Variants in CCDC25 observed in about 807,000 individuals in gnomAD.
CCDC25 encodes the protein coiled-coil domain containing 25.
Under a neutral mutation model 35.3 loss-of-function variants are expected in CCDC25, and 16 were observed. The ratio of observed to expected loss-of-function variants is 0.45; its 90% confidence interval spans 0.31 to 0.69. The LOEUF is 0.69. Ranked by LOEUF, CCDC25 falls within the 30% of genes least tolerant of loss-of-function variation. The pLI is 0.06. For synonymous variants in CCDC25, 79 were observed against 80.3 expected (o/e 0.98, Z 0.09); for missense variants, 179 against 250.7 (o/e 0.71, Z 1.93).
At chr8:27,745,146 C>G (rs1803562981) in intron 7 of CCDC25, among the ~76,000 whole-genome samples, 1 of 152,056 alleles carries the variant, frequency 6.6e-6, no homozygotes, top group Admixed American at 6.6e-5. Context: ...TAGGCTTGTA[C>G]CACCCACGCC....
chr8:27,764,398 A>G (rs1359263629), intron 2 of CCDC25: 2 of 305,570 alleles, frequency 6.5e-6, no homozygotes, highest in Admixed American at 4.3e-5. Flanking sequence ...CCTCCAGAGT[A>G]GCAAGGACAA....
intron 2 of CCDC25, chr8:27,764,587 T>A (rs1023301095): frequency 1.3e-5 from 3 of 228,030 alleles, no homozygotes; most frequent in Non-Finnish European, 2.7e-5. Flanking sequence ...CCTCTTACGT[T>A]TTTTTCTACA....
intron 5 of CCDC25, 108 bp from the exon 6 acceptor site, chr8:27,748,706 G>A (rs772227286): frequency 3.3e-4 from 254 of 773,700 alleles, no homozygotes; most frequent in Non-Finnish European, 4.2e-4. Flanking sequence ...GGCTTAGAAC[G>A]AACAGGCCAC....
At chr8:27,757,236 T>C (rs1446012727) in intron 3 of CCDC25, among the ~76,000 whole-genome samples, 2 of 152,132 alleles carry the variant, frequency 1.3e-5, no homozygotes, top group African/African-American at 4.8e-5. Context: ...GAACCACAGT[T>C]TGGCGGAAAC....
Position 27,735,244 on chromosome 8 carries a change from A to C in CCDC25, c.*972T>G, listed in dbSNP as rs1803180084. The C allele has an allele frequency of 6.6e-6, 1 of 152,646 alleles. No individual in the cohort carries two copies. Among genetic ancestry groups the C allele is most frequent in the Non-Finnish European group, 1.5e-5 (1 of 68,046 alleles). The allele number at this position is 152,646 out of a possible 1,614,324, so 9.5% of individuals were successfully genotyped here. ...CATACACCAACATGGAATAAATGGA[A>C]ACACTAGCCTTTTGGTTTTGCCCAC... On this transcript the variant is annotated 3_prime_UTR_variant, in exon 9 of 9. Transcript: ENST00000356537.
chr8:27,755,210 G>C (rs74589776), intron 4 of CCDC25, among the ~76,000 whole-genome samples: 3,172 of 152,230 alleles, frequency 0.021, 133 homozygotes, highest in African/African-American at 0.072. Context: ...GCTGGGACAG[G>C]GAAAATACAA....
At chr8:27,755,489 T>C (rs770627877) in intron 4 of CCDC25, among the ~76,000 whole-genome samples, 6 of 152,186 alleles carry the variant, frequency 3.9e-5, no homozygotes, top group Non-Finnish European at 8.8e-5. Flanking sequence ...TTCCAAATAA[T>C]GTATATAGAC....
At chr8:27,769,695 AACT>A (rs1220204847) in intron 1 of CCDC25, among the ~76,000 whole-genome samples, 2 of 152,218 alleles carry the variant, frequency 1.3e-5, no homozygotes, top group Non-Finnish European at 2.9e-5. Flanking sequence ...TGGAAGGCTA[AACT>A]ACTGAGAAAA....
chr8:27,762,958 C>T (rs1471133313), intron 2 of CCDC25, among the ~76,000 whole-genome samples: 1 of 151,920 alleles, frequency 6.6e-6, no homozygotes, highest in Non-Finnish European at 1.5e-5. Context: ...AAATAAAACA[C>T]CAGAAGAAAT....
At chr8:27,752,474 T>C (rs902995616) in intron 5 of CCDC25, 38 bp downstream of exon 5, 2 of 1,482,416 alleles carry the variant, frequency 1.3e-6, no homozygotes, top group African/African-American at 1.4e-5. Flanking sequence ...ACAGAGAAAG[T>C]CCGTGCTAAT....
At chr8:27,770,847 T>A (rs1209832280) in intron 1 of CCDC25, among the ~76,000 whole-genome samples, 1 of 152,114 alleles carries the variant, frequency 6.6e-6, no homozygotes, top group Non-Finnish European at 1.5e-5. Context: ...TGGCATTCAT[T>A]TATTCAACAA....
At chr8:27,759,394 G>C (rs1804132848) in intron 3 of CCDC25, among the ~76,000 whole-genome samples, 1 of 152,088 alleles carries the variant, frequency 6.6e-6, no homozygotes, top group South Asian at 2.1e-4. Flanking sequence ...ATCACTTCAG[G>C]TCAGGGGTTG....
rs113421100 is a variant in CCDC25, at chr8:27,755,683, G to T, written c.168+1036C>A. 9.3e-3 allele frequency among the ~76,000 whole-genome samples: 1,422 copies of T among 152,272 alleles called. 17 individuals carry two copies. Among genetic ancestry groups the T allele is most frequent in the African/African-American group, 0.032 (1,314 of 41,548 alleles). ...GCTCACGTCATCAATGATAAGTCACGGTAATACACGCACCCGATATGCTGT... is the reference window on the plus strand; with the variant it reads ...GCTCACGTCATCAATGATAAGTCACTGTAATACACGCACCCGATATGCTGT... On this transcript the variant is annotated intron_variant, in intron 4 of 8. Coordinates refer to ENST00000356537, the MANE Select transcript of CCDC25 (RefSeq NM_018246.3).
chr8:27,767,387 T>C (rs533292991), intron 1 of CCDC25, among the ~76,000 whole-genome samples: 6 of 152,102 alleles, frequency 3.9e-5, no homozygotes, highest in African/African-American at 1.4e-4. Flanking sequence ...ATAACTGATA[T>C]AAAATATTAA....
At chr8:27,748,025 T>C in intron 7 of CCDC25, 52 bp downstream of exon 7, 1 of 1,546,558 alleles carries the variant, frequency 6.5e-7, no homozygotes, top group Non-Finnish European at 8.9e-7. Flanking sequence ...ATGATTAAAA[T>C]CATCAGGGAA....
Position 27,750,502 on chromosome 8 carries a change from A to G in CCDC25, c.245-1904T>C, listed in dbSNP as rs117986392. Among the ~76,000 whole-genome samples, 9 of 152,304 alleles carry G rather than the reference A, an allele frequency of 5.9e-5. No individual in the cohort carries two copies. The East Asian group carries it at 1.7e-3, about 29-fold the overall frequency. On this transcript the variant is annotated intron_variant, in intron 5 of 8. Transcript: ENST00000356537. ...TACCACCACTACACCTACTATGTGG[A>G]CCTTGAACCTTAGCTTGAATCTGGA...
At chr8:27,765,057 G>A in intron 2 of CCDC25, 147 bp downstream of exon 2, 1 of 654,752 alleles carries the variant, frequency 1.5e-6, no homozygotes, top group Non-Finnish European at 2.5e-6. Flanking sequence ...CTCCCTATGT[G>A]AGCTTGTTCT....
At chr8:27,761,020 T>G (rs926964880) in intron 3 of CCDC25, among the ~76,000 whole-genome samples, 1 of 151,900 alleles carries the variant, frequency 6.6e-6, no homozygotes, top group African/African-American at 2.4e-5. Context: ...TCCCAGCTAC[T>G]CGGGAGGCTG....
At chr8:27,747,886 C>A (rs1563447215) in intron 7 of CCDC25, 191 bp downstream of exon 7, 2 of 593,832 alleles carry the variant, frequency 3.4e-6, no homozygotes, top group East Asian at 5.6e-5. Context: ...CTGCCATAAA[C>A]AAGCAATTCT....
Sources: gnomAD v4.1 joint callset for allele counts (sites outside exome capture counted in the v4.1 genomes callset) on GRCh38, gnomAD v4.1.1 for gene constraint, MANE v1.5 for transcripts, NCBI Gene and HGNC (gene_info 2026-07-23, HGNC 2026-07-21) for gene names.